The following RALGAPB variants were observed in gnomAD, a reference collection of about 807,000 sequenced individuals.
The protein encoded by RALGAPB is ral GTPase-activating protein subunit beta.
Under a neutral mutation model 161.1 loss-of-function variants are expected in RALGAPB, and 25 were observed. The observed-to-expected ratio is 0.16, with a 90% CI of 0.11 to 0.22. The LOEUF (loss-of-function observed/expected upper bound fraction) is 0.22. Among genes scored for constraint, RALGAPB ranks in the 10% least tolerant of loss-of-function variants. The pLI is 1.00. For synonymous variants in RALGAPB, 629 were observed against 626.1 expected, an observed-to-expected ratio of 1.00 and a Z score of -0.07; for missense variants, 1,391 against 1,815.2, an observed-to-expected ratio of 0.77 and a Z score of 4.25.
chr20:38,514,581 G>A (rs984307875), intron 6 of RALGAPB, among the ~76,000 whole-genome samples: 1 of 152,214 alleles, frequency 6.6e-6, no homozygotes, highest in African/African-American at 2.4e-5. Flanking sequence ...GATTATTTGT[G>A]ATTGTTGGCA....
chr20:38,524,455 C>A (rs1378658602), intron 10 of RALGAPB, among the ~76,000 whole-genome samples: 5 of 151,606 alleles, frequency 3.3e-5, no homozygotes, highest in African/African-American at 1.2e-4. Flanking sequence ...CTTTGAGTTG[C>A]AAGGCTTAAG....
At chr20:38,504,871 A>G (rs569174882) in intron 5 of RALGAPB, among the ~76,000 whole-genome samples, 50 of 152,312 alleles carry the variant, frequency 3.3e-4, no homozygotes, top group Admixed American at 1.2e-3. Flanking sequence ...CAAAACCACA[A>G]TGAGATACCA....
At chr20:38,521,992 C>A (rs1279903135) in intron 10 of RALGAPB, among the ~76,000 whole-genome samples, 1 of 152,152 alleles carries the variant, frequency 6.6e-6, no homozygotes, top group African/African-American at 2.4e-5. Context: ...CACAGTATTC[C>A]CATGTAGGCA....
chr20:38,499,791 T>C (rs1165507517), intron 5 of RALGAPB, 158 bp downstream of exon 5: 1 of 547,660 alleles, frequency 1.8e-6, no homozygotes, highest in African/African-American at 2.0e-5. Context: ...ACAGTTTGGC[T>C]AGTGCCTGTT....
rs1218179016 is a variant in RALGAPB at position 38,574,983 on chromosome 20, A to G, written c.*16A>G. 5 of 1,584,694 alleles carry G rather than the reference A, an allele frequency of 3.2e-6. No homozygotes were observed. The highest frequency in any genetic ancestry group is 3.5e-6 in the Non-Finnish European group (4 of 1,153,434). Reference sequence around the variant, plus strand: ...CAGTTCTTAGACCACTGAATTTCTAAGACTGTTGAACTCCAGTTTGGGAAC... The same window carrying G: ...CAGTTCTTAGACCACTGAATTTCTAGGACTGTTGAACTCCAGTTTGGGAAC... On this transcript the variant is annotated 3_prime_UTR_variant, in exon 30 of 30. Transcript: ENST00000262879.
rs1342452502 is a variant in RALGAPB at position 38,506,256 on chromosome 20, A to G, written c.741-2821A>G. Among the ~76,000 whole-genome samples the G allele has an allele frequency of 4.6e-5, 7 of 151,974 alleles. 1 individual carries two copies. In the Middle Eastern group the frequency reaches 0.014, roughly 297 times the overall value. On this transcript the variant is annotated intron_variant, in intron 5 of 29. Transcript: ENST00000262879. ...GAGGGGTGTTCTGCGTCAATCCCCT[A>G]TAATTCTGAAGGACAACTGTATAGG...
Position 38,482,497 on chromosome 20 carries a change from G to A in RALGAPB, c.-30-5906G>A, listed in dbSNP as rs539916439. On this transcript the variant is annotated intron_variant, in intron 1 of 29. Transcript: ENST00000262879. ...GGCTGGAGTGCAGTGGCGCCATCTC[G>A]GCTCACTGAAACCTCACCCTCCCAG... Among the ~76,000 whole-genome samples the A allele has an allele frequency of 5.1e-5, 7 of 137,594 alleles. No individual in the cohort carries two copies. The East Asian group carries it at 1.6e-3, about 31-fold the overall frequency. The allele number at this position is 137,594 out of a possible 152,430, so 90.3% of individuals were successfully genotyped here. A position where few individuals can be genotyped will look rare whatever the true frequency, so the allele number is the denominator to read the frequency against.
At chr20:38,522,838 G>A (rs2086331553) in intron 10 of RALGAPB, among the ~76,000 whole-genome samples, 1 of 152,152 alleles carries the variant, frequency 6.6e-6, no homozygotes, top group African/African-American at 2.4e-5. Context: ...AAATTCTAAG[G>A]TCAGGAAATG....
At chr20:38,495,268 T>G (rs1171857186) in intron 3 of RALGAPB, among the ~76,000 whole-genome samples, 1 of 152,234 alleles carries the variant, frequency 6.6e-6, no homozygotes, top group East Asian at 1.9e-4. Context: ...TCAGAATGAA[T>G]GTAACATTTC....
At chr20:38,540,136 C>T (rs1193770644) in intron 17 of RALGAPB, among the ~76,000 whole-genome samples, 178 bp downstream of exon 17, 1 of 152,116 alleles carries the variant, frequency 6.6e-6, no homozygotes, top group Non-Finnish European at 1.5e-5. Flanking sequence ...TGTCATTTTG[C>T]TTATATTTGG....
Position 38,531,250 on chromosome 20 carries a change from A to C in RALGAPB, c.2115+19A>C. 3 of 1,564,084 alleles carry C rather than the reference A, an allele frequency of 1.9e-6. No individual in the cohort carries two copies. Among genetic ancestry groups the C allele is most frequent in the Non-Finnish European group, 2.6e-6 (3 of 1,136,140 alleles). ...GGAGATGGTAAGAAGCATACATGCAATCTGTCAGAGAATATCACTTTTGAA... is the reference window on the plus strand; with the variant it reads ...GGAGATGGTAAGAAGCATACATGCACTCTGTCAGAGAATATCACTTTTGAA... On this transcript the variant is annotated intron_variant, in intron 14 of 29. Transcript: ENST00000262879.
chr20:38,520,151 A>C (rs1328168491), intron 9 of RALGAPB: 1 of 343,062 alleles, frequency 2.9e-6, no homozygotes, highest in South Asian at 1.2e-4. Context: ...AAAGCTTCTT[A>C]ATTTATTGTA....
At chr20:38,502,144 A>G (rs1259989651) in intron 5 of RALGAPB, among the ~76,000 whole-genome samples, 4 of 152,194 alleles carry the variant, frequency 2.6e-5, no homozygotes, top group African/African-American at 7.2e-5. Flanking sequence ...TACTACTGTA[A>G]TAATTTTGTA....
intron 18 of RALGAPB, 151 bp downstream of exon 18, chr20:38,541,343 A>T: frequency 1.1e-6 from 1 of 891,064 alleles, no homozygotes; most frequent in Non-Finnish European, 1.6e-6. Context: ...TGGGAAGAAA[A>T]TCTCTATTTT....
rs750199022 is a variant in RALGAPB, at chr20:38,558,456, A to G, written c.3531+3A>G. The G allele has an allele frequency of 2.8e-5, 43 of 1,563,344 alleles. No individual in the cohort carries two copies. Among genetic ancestry groups the G allele is most frequent in the South Asian group, 3.6e-5 (3 of 82,840 alleles). On this transcript the variant is annotated splice_donor_region_variant and intron_variant, in intron 23 of 29. Transcript: ENST00000262879. ...CAGGTCAGAAAACGAACCAAGAGGT[A>G]AGAGTTACGAATTTTTTTTTTTTGG...
intron 5 of RALGAPB, among the ~76,000 whole-genome samples, chr20:38,502,380 G>T (rs1002086529): frequency 1.3e-5 from 2 of 152,168 alleles, no homozygotes; most frequent in Non-Finnish European, 2.9e-5. Context: ...TGCCACCAGT[G>T]GTGCTGGAAG....
intron 24 of RALGAPB, 48 bp downstream of exon 24, chr20:38,562,745 C>A: frequency 6.6e-7 from 1 of 1,512,850 alleles, no homozygotes; most frequent in Non-Finnish European, 8.9e-7. Context: ...GTTTGTTAGT[C>A]TTGTTTTTTT....
At position 38,558,413 on chromosome 20, in the gene RALGAPB, T is replaced by C. The variant is rs1284902139; in HGVS notation, c.3491T>C (p.Phe1164Ser). 3 of 1,604,132 alleles carry C rather than the reference T, an allele frequency of 1.9e-6. No homozygotes were observed. The highest frequency in any genetic ancestry group is 1.7e-6 in the Non-Finnish European group (2 of 1,174,730). The part of the protein sequence containing the change: ...LLPCRPFDTV[F>S]IFYMKPGQKT... ...CCATGTCGTCCTTTTGACACAGTTT[T>C]TATTTTCTATATGAAGCCAGGTCAG... Residue 1164 changes from phenylalanine (F) to serine (S), a missense_variant, in exon 23 of 30, where the codon TTT (phenylalanine) becomes TCT (serine). Coordinates refer to ENST00000262879, the MANE Select transcript of RALGAPB (RefSeq NM_020336.4).
chr20:38,480,398 T>C lies in RALGAPB; in HGVS notation c.-31+7329T>C, dbSNP rs1160214515. 7.3e-5 allele frequency among the ~76,000 whole-genome samples: 7 copies of C among 96,034 alleles called. No individual in the cohort carries two copies. The South Asian group carries it at 1.3e-3, about 17-fold the overall frequency. 63.0% of individuals were successfully genotyped at this position (96,034 alleles called of 152,430 possible). On this transcript the variant is annotated intron_variant, in intron 1 of 29. Coordinates refer to ENST00000262879, the MANE Select transcript of RALGAPB (RefSeq NM_020336.4). ...TTTTCTTTCTTTCTTTTTTTTTTTT[T>C]TTTTTTGAGATGGAGTCTCGCTCTG...
Sources: gnomAD v4.1 joint callset for allele counts (sites outside exome capture counted in the v4.1 genomes callset) on GRCh38, gnomAD v4.1.1 for gene constraint, MANE v1.5 for transcripts, NCBI Gene and HGNC (gene_info 2026-07-23, HGNC 2026-07-21) for gene names.